The following SLBP variants were observed in gnomAD, a reference collection of about 807,000 sequenced individuals.
SLBP encodes stem-loop histone mRNA binding protein.
A neutral mutation model predicts 39.2 loss-of-function variants in SLBP; 29 were observed. The observed-to-expected ratio is 0.74, with a 90% CI of 0.55 to 1.01. SLBP has a LOEUF of 1.01. SLBP is among the 50% of genes least tolerant of loss of function. SLBP has a pLI of 0.00. For missense variants in SLBP, 390 were observed against 350.2 expected (o/e 1.11, Z -0.91); for synonymous variants, 129 against 118.7 (o/e 1.09, Z -0.57).
Position 1,700,061 on chromosome 4 carries a change from C to T in SLBP, c.291G>A (p.Arg97=). Residue 97 remains arginine, a synonymous_variant, in exon 4 of 8, where the codon AGG becomes AGA. Transcript: ENST00000489418. ...TTCCAAAGTCATTGATGAGGAGTTT[C>T]CTTTTATATCTGAGGGCAAAATAAA... ...RVNKEMARYK[R]KLLINDFGRE... 1 of 1,595,636 alleles carries T rather than the reference C, an allele frequency of 6.3e-7. No homozygotes were observed.
In SLBP at chr4:1,699,564, C is replaced by A; in HGVS notation, c.479G>T (p.Arg160Ile). The part of the protein sequence containing the change: ...AYDRYIKEVP[R>I]HLRQPGIHPK... ...AGACATGCCACTGAAACAAGACTAC[C>A]TTGGGACTTCTTTAATATAACGATC... The change falls in exon 5 of 8, where the codon AGA becomes ATA. Residue 160 changes from arginine (R) to isoleucine (I), a missense_variant and splice_region_variant. Coordinates refer to ENST00000489418, the MANE Select transcript of SLBP (RefSeq NM_006527.4). The A allele has an allele frequency of 1.2e-6, 2 of 1,613,968 alleles. No individual in the cohort carries two copies. The highest frequency in any genetic ancestry group is 1.1e-5 in the South Asian group (1 of 91,076).
chr4:1,699,993 C>T lies in SLBP; in HGVS notation c.341+18G>A. 1 of 1,537,784 alleles carries T rather than the reference C, an allele frequency of 6.5e-7. No homozygotes were observed. Among genetic ancestry groups the T allele is most frequent in the South Asian group, 1.2e-5 (1 of 82,146 alleles). On this transcript the variant is annotated intron_variant, in intron 4 of 7. Coordinates refer to ENST00000489418, the MANE Select transcript of SLBP (RefSeq NM_006527.4). ...CAGGTCTATCAAATTAGAAAAGAAA[C>T]ATTTACACAGCCTTTACCTTCCTGA... is the stretch of plus-strand genomic sequence containing the variant.
chr4:1,700,540 C>T (rs1417480518), intron 3 of SLBP, among the ~76,000 whole-genome samples: 3 of 150,126 alleles, frequency 2.0e-5, no homozygotes, highest in Non-Finnish European at 4.4e-5. Context: ...CACGAGCTAC[C>T]TTGAGCTCCA....
At chr4:1,705,671 G>C (rs1437225998) in intron 2 of SLBP, among the ~76,000 whole-genome samples, 2 of 152,208 alleles carry the variant, frequency 1.3e-5, no homozygotes, top group Non-Finnish European at 2.9e-5. Context: ...AATGCTGACT[G>C]TCTACAGCAA....
intron 4 of SLBP, 38 bp downstream of exon 4, chr4:1,699,973 C>A: frequency 7.1e-7 from 1 of 1,404,700 alleles, no homozygotes; most frequent in Non-Finnish European, 9.8e-7. Context: ...AATTACAGGT[C>A]TATCAAATTA....
chr4:1,697,712 C>T (rs981816649), intron 5 of SLBP, among the ~76,000 whole-genome samples: 10 of 150,148 alleles, frequency 6.7e-5, no homozygotes, highest in African/African-American at 1.7e-4. Flanking sequence ...GGCATGGTGG[C>T]GCATGCCTGT....
At chr4:1,694,083 A>C (rs1716016120) in intron 7 of SLBP, among the ~76,000 whole-genome samples, 1 of 152,164 alleles carries the variant, frequency 6.6e-6, no homozygotes, top group South Asian at 2.1e-4. Context: ...ACATTTAAAA[A>C]CGGTTTTCTT....
chr4:1,694,661 G>A, intron 7 of SLBP, 113 bp downstream of exon 7: 4 of 780,428 alleles, frequency 5.1e-6, no homozygotes, highest in Non-Finnish European at 9.2e-6. Context: ...AAGGTGCTGG[G>A]ATTACAGGCG....
At chr4:1,700,130 C>T in intron 3 of SLBP, 60 bp from the exon 4 acceptor site, 2 of 1,235,776 alleles carry the variant, frequency 1.6e-6, no homozygotes, top group Non-Finnish European at 2.3e-6. Flanking sequence ...GCAGCCAGGT[C>T]TGAGGAAGCT....
chr4:1,711,785 C>T, intron 2 of SLBP, 89 bp downstream of exon 2: 2 of 664,206 alleles, frequency 3.0e-6, no homozygotes, highest in Non-Finnish European at 4.4e-6. Context: ...CTGACCGATC[C>T]CGGCACCGCG....
At chr4:1,701,645 G>A (rs997536404) in intron 3 of SLBP, among the ~76,000 whole-genome samples, 1 of 152,104 alleles carries the variant, frequency 6.6e-6, no homozygotes, top group African/African-American at 2.4e-5. Context: ...GGTGGATCAC[G>A]CCTATAATCC....
intron 5 of SLBP, among the ~76,000 whole-genome samples, chr4:1,697,746 A>AG (rs1480820211): frequency 5.9e-5 from 9 of 152,226 alleles, no homozygotes; most frequent in Non-Finnish European, 1.2e-4. Flanking sequence ...TGGGAGGCTG[A>AG]GGCAGGAGAA....
intron 3 of SLBP, among the ~76,000 whole-genome samples, chr4:1,701,331 G>A (rs1226358565): frequency 6.6e-6 from 1 of 151,818 alleles, no homozygotes; most frequent in Non-Finnish European, 1.5e-5. Context: ...ATTTTTAGTA[G>A]AGACGGGGTT....
At chr4:1,711,600 C>G (rs1401971449) in intron 2 of SLBP, among the ~76,000 whole-genome samples, 1 of 152,220 alleles carries the variant, frequency 6.6e-6, no homozygotes, top group Non-Finnish European at 1.5e-5. Flanking sequence ...AGACCCTGAC[C>G]TCTCCCGGGA....
chr4:1,703,870 G>A (rs1352236280), intron 2 of SLBP, among the ~76,000 whole-genome samples, 170 bp from the exon 3 acceptor site: 1 of 152,148 alleles, frequency 6.6e-6, no homozygotes, highest in Non-Finnish European at 1.5e-5. Flanking sequence ...TTCAAGACCA[G>A]CATGGGCAAG....
intron 2 of SLBP, among the ~76,000 whole-genome samples, chr4:1,710,481 A>G (rs1716708094): frequency 6.6e-6 from 1 of 152,236 alleles, no homozygotes; most frequent in East Asian, 1.9e-4. Flanking sequence ...AATTTAGCTA[A>G]TGTTAAGGAC....
chr4:1,710,884 T>C (rs1716737095), intron 2 of SLBP, among the ~76,000 whole-genome samples: 1 of 149,896 alleles, frequency 6.7e-6, no homozygotes, highest in South Asian at 2.1e-4. Flanking sequence ...ACCCTGTCTC[T>C]ACTACAAATA....
At chr4:1,708,622 T>C (rs180831114) in intron 2 of SLBP, among the ~76,000 whole-genome samples, 1 of 152,348 alleles carries the variant, frequency 6.6e-6, no homozygotes, top group East Asian at 1.9e-4. Flanking sequence ...AAAGCCTGTG[T>C]ATGTGAATGA....
At chr4:1,705,397 C>T (rs1716479483) in intron 2 of SLBP, among the ~76,000 whole-genome samples, 1 of 152,216 alleles carries the variant, frequency 6.6e-6, no homozygotes, top group African/African-American at 2.4e-5. Context: ...GATAATGAAG[C>T]AGGCTACCAA....
Sources: gnomAD v4.1 joint callset for allele counts (sites outside exome capture counted in the v4.1 genomes callset) on GRCh38, gnomAD v4.1.1 for gene constraint, MANE v1.5 for transcripts, NCBI Gene and HGNC (gene_info 2026-07-23, HGNC 2026-07-21) for gene names.